Variants in PCDHA6 observed in about 807,000 individuals in gnomAD.
PCDHA6 encodes the protein protocadherin alpha 6.
A neutral mutation model predicts 60.3 loss-of-function variants in PCDHA6; 55 were observed. That is an observed-to-expected ratio of 0.91 (90% CI 0.73 to 1.14). PCDHA6 has a LOEUF of 1.14. PCDHA6 is among the 50% of genes most tolerant of loss of function. The pLI is 0.00. For synonymous variants in PCDHA6, 652 were observed against 557.9 expected (o/e 1.17, Z -2.38); for missense variants, 1,327 against 1,256.5 (o/e 1.06, Z -0.85).
chr5:140,907,433 G>A (rs1006736760), intron 1 of PCDHA6, among the ~76,000 whole-genome samples: 5 of 152,246 alleles, frequency 3.3e-5, no homozygotes, highest in Admixed American at 1.3e-4. Context: ...GGCATTCTGT[G>A]AGTCCACAGA....
intron 1 of PCDHA6, among the ~76,000 whole-genome samples, chr5:140,916,805 A>G (rs560427769): frequency 6.6e-6 from 1 of 152,152 alleles, no homozygotes; most frequent in Non-Finnish European, 1.5e-5. Context: ...ATGACTTCCT[A>G]GGTCATGTGC....
In PCDHA6 at chr5:140,875,325, G is replaced by C. The variant is rs1293166061; in HGVS notation, c.2394+44840G>C. 3 of 1,427,764 alleles carry C rather than the reference G, an allele frequency of 2.1e-6. No homozygotes were observed. The African/African-American group carries it at 4.3e-5, about 21-fold the overall frequency. 88.4% of individuals were successfully genotyped at this position (1,427,764 alleles called of 1,614,324 possible). A position where few individuals can be genotyped will look rare whatever the true frequency, so the allele number is the denominator to read the frequency against. On this transcript the variant is annotated intron_variant, in intron 1 of 3. Coordinates refer to ENST00000529310, the MANE Select transcript of PCDHA6 (RefSeq NM_018909.4). ...CCGCACCCACATTCCAATCATTCAC[G>C]GAATAGGATCGACTCCATAATGACT...
chr5:140,842,094 G>C (rs2150329211), intron 1 of PCDHA6: 1 of 1,613,884 alleles, frequency 6.2e-7, no homozygotes, highest in South Asian at 1.1e-5. Context: ...GCAGACAACG[G>C]AACAACAGTT....
intron 1 of PCDHA6, chr5:140,860,501 CA>C (rs2046424429): frequency 6.6e-6 from 1 of 151,970 alleles, no homozygotes; most frequent in Non-Finnish European, 1.5e-5. Context: ...TGTCTACATA[CA>C]AGATAAAACT....
Position 140,853,606 on chromosome 5 carries a change from G to T in PCDHA6, c.2394+23121G>T. 3.0e-6 allele frequency: 3 copies of T among 987,448 alleles called. 1 individual carries two copies. The highest frequency in any genetic ancestry group is 3.7e-6 in the Non-Finnish European group (3 of 819,684). The allele number at this position is 987,448 out of a possible 1,614,324, so 61.2% of individuals were successfully genotyped here. A position where few individuals can be genotyped will look rare whatever the true frequency, so the allele number is the denominator to read the frequency against. On this transcript the variant is annotated intron_variant, in intron 1 of 3. Coordinates refer to ENST00000529310, the MANE Select transcript of PCDHA6 (RefSeq NM_018909.4). ...CTTAGACACTTTGAGAGCAAAGGGG[G>T]TGCTGTAAATAAGTATACAAGATCA...
chr5:140,910,346 G>C (rs2074987326), intron 1 of PCDHA6, among the ~76,000 whole-genome samples: 1 of 152,152 alleles, frequency 6.6e-6, no homozygotes, highest in Admixed American at 6.5e-5. Flanking sequence ...CTTTGCCTCT[G>C]CTGTCCATTA....
At chr5:140,998,210 A>G (rs2097801454) in intron 3 of PCDHA6, among the ~76,000 whole-genome samples, 1 of 152,218 alleles carries the variant, frequency 6.6e-6, no homozygotes, top group South Asian at 2.1e-4. Flanking sequence ...TTTAATCTGT[A>G]TAACCACACC....
chr5:140,975,058 C>T (rs1016137596), intron 1 of PCDHA6, among the ~76,000 whole-genome samples: 34 of 152,090 alleles, frequency 2.2e-4, no homozygotes, highest in African/African-American at 8.2e-4. Context: ...AATCTACTAT[C>T]GAGCTCATTC....
At chr5:140,988,182 G>A (rs191995725) in intron 3 of PCDHA6, among the ~76,000 whole-genome samples, 79 of 152,240 alleles carry the variant, frequency 5.2e-4, no homozygotes, top group African/African-American at 1.5e-3. Flanking sequence ...ACAGTCCTGG[G>A]AGGTGTGTGC....
Position 140,836,095 on chromosome 5 carries a change from G to A in PCDHA6, c.2394+5610G>A, listed in dbSNP as rs2150252666. ...CCGGCACTGCTGGCGCCTCGGGTGG[G>A]TGGCACTGGTGGCGCAGTGAGAGAG... On this transcript the variant is annotated intron_variant, in intron 1 of 3. Transcript: ENST00000529310. 1.9e-5 allele frequency: 30 copies of A among 1,613,576 alleles called. 1 individual carries two copies. The highest frequency in any genetic ancestry group is 3.3e-4 in the Middle Eastern group (2 of 6,084).
At chr5:140,979,102 C>G in intron 2 of PCDHA6, 95 bp downstream of exon 2, 1 of 1,541,802 alleles carries the variant, frequency 6.5e-7, no homozygotes. Context: ...GCTGTCAAAA[C>G]TAAAAAGCTT....
At chr5:140,942,543 G>C (rs1272048967) in intron 1 of PCDHA6, among the ~76,000 whole-genome samples, 1 of 152,056 alleles carries the variant, frequency 6.6e-6, no homozygotes, top group Non-Finnish European at 1.5e-5. Flanking sequence ...GTATGGTGGG[G>C]GGTAGGGGGT....
chr5:140,888,003 A>G (rs1187660261), intron 1 of PCDHA6, among the ~76,000 whole-genome samples: 1 of 152,112 alleles, frequency 6.6e-6, no homozygotes, highest in African/African-American at 2.4e-5. Context: ...CCGAATAGTC[A>G]TCTTTTTATC....
At chr5:140,986,085 TCA>T (rs1395722991) in intron 3 of PCDHA6, among the ~76,000 whole-genome samples, 1 of 152,182 alleles carries the variant, frequency 6.6e-6, no homozygotes, top group Non-Finnish European at 1.5e-5. Context: ...TCATTTATTT[TCA>T]CAGTCTGCAA....
In PCDHA6 at chr5:140,856,797, T is replaced by C. The variant is rs116416365; in HGVS notation, c.2394+26312T>C. The C allele has an allele frequency of 1.0e-3, 1,647 of 1,595,690 alleles. 103 individuals carry two copies. The African/African-American group carries it at 0.02, about 19-fold the overall frequency. On this transcript the variant is annotated intron_variant, in intron 1 of 3. Transcript: ENST00000529310. ...GACAGACCGGTTTATGAAGTTAAGA[T>C]GTATGAAAATCAAGTGAACCAAACA... is the stretch of plus-strand genomic sequence containing the variant.
chr5:140,941,214 C>CTTTCTTTCTTTCTTT (rs1554214039), intron 1 of PCDHA6, among the ~76,000 whole-genome samples: 5,375 of 122,186 alleles, frequency 0.044, 196 homozygotes, highest in South Asian at 0.066. Flanking sequence ...TTTCTTTCTT[C>CTTTCTTTCTTTCTTT]CTTTCTTTCT....
chr5:140,986,073 G>A (rs1428668406), intron 3 of PCDHA6, among the ~76,000 whole-genome samples: 1 of 152,176 alleles, frequency 6.6e-6, no homozygotes, highest in East Asian at 1.9e-4. Context: ...TAAAGAAACT[G>A]TTCATTTATT....
intron 3 of PCDHA6, among the ~76,000 whole-genome samples, chr5:141,000,552 C>T (rs2097946627): frequency 1.3e-5 from 2 of 149,102 alleles, no homozygotes; most frequent in Admixed American, 1.3e-4. Context: ...CTCAAACTCC[C>T]GAGTAGCTGG....
At chr5:140,963,631 G>A (rs1168776991) in intron 1 of PCDHA6, among the ~76,000 whole-genome samples, 2 of 152,144 alleles carry the variant, frequency 1.3e-5, no homozygotes, top group African/African-American at 2.4e-5. Flanking sequence ...TGTTGCATAC[G>A]CATCTTCCCT....
Sources: gnomAD v4.1 joint callset for allele counts (sites outside exome capture counted in the v4.1 genomes callset) on GRCh38, gnomAD v4.1.1 for gene constraint, MANE v1.5 for transcripts, NCBI Gene and HGNC (gene_info 2026-07-23, HGNC 2026-07-21) for gene names.